PTPRG: variants seen among roughly 807,000 people sequenced by gnomAD.
The protein encoded by PTPRG is receptor-type tyrosine-protein phosphatase gamma.
In PTPRG, 102 loss-of-function variants were observed where a neutral mutation model predicts 165.3. The observed-to-expected ratio is 0.62, with a 90% confidence interval of 0.53 to 0.73. The LOEUF (loss-of-function observed/expected upper bound fraction) is 0.73. PTPRG is among the 30% of genes least tolerant of loss of function. The pLI is 0.00. For synonymous variants in PTPRG, 675 were observed against 669.5 expected (o/e 1.01, Z -0.13); for missense variants, 1,866 against 1,861.4 (o/e 1.00, Z -0.05).
chr3:61,878,057 A>G (rs996070306), intron 2 of PTPRG, among the ~76,000 whole-genome samples: 3 of 152,206 alleles, frequency 2.0e-5, no homozygotes, highest in Non-Finnish European at 4.4e-5. Flanking sequence ...TTTTTGTATG[A>G]GATAATTTTC....
intron 5 of PTPRG, among the ~76,000 whole-genome samples, chr3:62,098,401 C>T (rs1702185276): frequency 6.6e-6 from 1 of 152,078 alleles, no homozygotes; most frequent in South Asian, 2.1e-4. Flanking sequence ...TATGGAAATA[C>T]TACACCATTT....
chr3:61,780,695 A>G (rs938362185), intron 2 of PTPRG, among the ~76,000 whole-genome samples: 1 of 152,186 alleles, frequency 6.6e-6, no homozygotes, highest in Non-Finnish European at 1.5e-5. Context: ...AGCCATTTAT[A>G]TGATCTGCCA....
At chr3:61,716,295 C>T (rs1308330482) in intron 1 of PTPRG, among the ~76,000 whole-genome samples, 1 of 152,020 alleles carries the variant, frequency 6.6e-6, no homozygotes, top group Non-Finnish European at 1.5e-5. Context: ...ATAATTTACC[C>T]ATAGAGTCCT....
At chr3:61,923,249 G>A (rs1319621905) in intron 2 of PTPRG, among the ~76,000 whole-genome samples, 1 of 152,156 alleles carries the variant, frequency 6.6e-6, no homozygotes. Context: ...ACGTGTGTCA[G>A]TGGAGACCCT....
At chr3:62,157,367 A>G (rs1576074835) in intron 7 of PTPRG, 143 bp downstream of exon 7, 3 of 893,082 alleles carry the variant, frequency 3.4e-6, no homozygotes, top group Admixed American at 3.2e-5. Context: ...TCCCACAAAC[A>G]TGTTTTTGAA....
At chr3:61,886,035 C>T (rs1042180539) in intron 2 of PTPRG, among the ~76,000 whole-genome samples, 2 of 151,710 alleles carry the variant, frequency 1.3e-5, no homozygotes, top group Non-Finnish European at 2.9e-5. Flanking sequence ...TGGACACTGA[C>T]CCAGGACAAC....
rs78871115 is a variant in PTPRG at position 61,926,247 on chromosome 3, G to T, written c.191-63378G>T. ...ATCTCATGTTCAGTTGTAGTACCCA[G>T]TGTTGGAGTTGGGTCCTGGTGAGAG... On this transcript the variant is annotated intron_variant, in intron 2 of 29. Transcript: ENST00000474889. Among the ~76,000 whole-genome samples the T allele has an allele frequency of 8.3e-4, 126 of 152,244 alleles. 1 individual carries two copies. Among genetic ancestry groups the T allele is most frequent in the East Asian group, 6.8e-3 (35 of 5,172 alleles).
Position 62,277,503 on chromosome 3 carries a change from G to C in PTPRG, c.3637-48G>C, listed in dbSNP as rs574910109. 1.4e-5 allele frequency: 22 copies of C among 1,587,008 alleles called. No homozygotes were observed. The South Asian group carries it at 2.2e-4, about 16-fold the overall frequency. ...AATATATTTTACTACCACAAAGTTAGAATAAAACACTCATATTCACTGATT... is the reference window on the plus strand; with the variant it reads ...AATATATTTTACTACCACAAAGTTACAATAAAACACTCATATTCACTGATT... On this transcript the variant is annotated intron_variant, in intron 25 of 29. Coordinates refer to ENST00000474889, the MANE Select transcript of PTPRG (RefSeq NM_002841.4).
intron 8 of PTPRG, among the ~76,000 whole-genome samples, chr3:62,178,766 A>G (rs970099755): frequency 1.3e-5 from 2 of 152,216 alleles, no homozygotes; most frequent in Non-Finnish European, 2.9e-5. Context: ...CTAGGCAGGT[A>G]GACAGAGTTT....
intron 26 of PTPRG, among the ~76,000 whole-genome samples, chr3:62,280,947 A>G (rs973848105): frequency 6.6e-6 from 1 of 152,078 alleles, no homozygotes; most frequent in Admixed American, 6.6e-5. Context: ...CATGAGGACT[A>G]CAGGTAATAA....
chr3:61,847,180 G>A (rs2036830970), intron 2 of PTPRG, among the ~76,000 whole-genome samples: 1 of 152,100 alleles, frequency 6.6e-6, no homozygotes, highest in African/African-American at 2.4e-5. Context: ...AGTAGAATGG[G>A]CACCTAATCC....
intron 5 of PTPRG, among the ~76,000 whole-genome samples, chr3:62,129,162 G>A (rs889983219): frequency 6.6e-6 from 1 of 152,150 alleles, no homozygotes; most frequent in Non-Finnish European, 1.5e-5. Flanking sequence ...ACGTTCCTGA[G>A]CTCAGATGAG....
intron 10 of PTPRG, among the ~76,000 whole-genome samples, chr3:62,200,288 T>C (rs1432478914): frequency 6.6e-6 from 1 of 152,158 alleles, no homozygotes; most frequent in Non-Finnish European, 1.5e-5. Context: ...TTTATTTTTT[T>C]TGAGACAAAG....
intron 2 of PTPRG, among the ~76,000 whole-genome samples, chr3:61,859,475 T>TC (rs999373587): frequency 6.6e-6 from 1 of 152,122 alleles, no homozygotes; most frequent in African/African-American, 2.4e-5. Flanking sequence ...TGAACTTTCT[T>TC]CCCCCTATGC....
chr3:61,688,096 T>C (rs922568447), intron 1 of PTPRG, among the ~76,000 whole-genome samples: 1 of 152,238 alleles, frequency 6.6e-6, no homozygotes, highest in African/African-American at 2.4e-5. Context: ...TTTCATGACC[T>C]TGGCTCTGTT....
chr3:62,107,025 C>A (rs1371177899), intron 5 of PTPRG, among the ~76,000 whole-genome samples: 1 of 152,214 alleles, frequency 6.6e-6, no homozygotes, highest in Non-Finnish European at 1.5e-5. Context: ...GCATTAAGAA[C>A]TTGATTTCCT....
chr3:62,098,162 A>G lies in PTPRG; in HGVS notation c.615+19904A>G, dbSNP rs185837503. Among the ~76,000 whole-genome samples the G allele has an allele frequency of 4.2e-3, 634 of 152,320 alleles. 5 individuals are homozygous for G. Among genetic ancestry groups the G allele is most frequent in the African/African-American group, 0.015 (611 of 41,564 alleles). ...TATCAAGTGCCTTTACCTATATTAC[A>G]TGATTTGATCTTTAAGACCAGTACA... On this transcript the variant is annotated intron_variant, in intron 5 of 29. Transcript: ENST00000474889.
chr3:61,823,178 T>C (rs895759965), intron 2 of PTPRG, among the ~76,000 whole-genome samples: 4 of 152,158 alleles, frequency 2.6e-5, no homozygotes, highest in African/African-American at 9.7e-5. Flanking sequence ...GATGAGCCAG[T>C]TGCACAGGTT....
intron 6 of PTPRG, among the ~76,000 whole-genome samples, chr3:62,137,843 T>A (rs542766054): frequency 1.6e-4 from 24 of 152,304 alleles, no homozygotes; most frequent in African/African-American, 2.9e-4. Context: ...ACAGCAATTT[T>A]AAAAAAATTT....
Sources: allele counts gnomAD v4.1 joint callset (sites outside exome capture counted in the v4.1 genomes callset), GRCh38; gene constraint gnomAD v4.1.1; transcripts MANE v1.5; gene names NCBI Gene and HGNC (gene_info 2026-07-23, HGNC 2026-07-21).